Variants in LCA5L observed in about 807,000 individuals in gnomAD.
LCA5L encodes lebercilin LCA5 like.
A neutral mutation model predicts 45.4 loss-of-function variants in LCA5L; 35 were observed. The observed-to-expected ratio is 0.77, with a 90% CI of 0.59 to 1.02. The LOEUF is 1.02. Among genes scored for constraint, LCA5L ranks in the 50% least tolerant of loss-of-function variants. The pLI, the probability that LCA5L is intolerant of heterozygous loss-of-function variation, is 0.00. For synonymous variants in LCA5L, 233 were observed against 264.7 expected, an observed-to-expected ratio of 0.88 and a Z score of 1.16; for missense variants, 668 against 761.6, an observed-to-expected ratio of 0.88 and a Z score of 1.45.
chr21:39,427,526 G>A (rs1191717363), intron 5 of LCA5L, among the ~76,000 whole-genome samples: 1 of 152,106 alleles, frequency 6.6e-6, no homozygotes, highest in Non-Finnish European at 1.5e-5. Context: ...GCCGGGCGTG[G>A]TGGTGGGTGC....
rs533689038 is a variant in LCA5L at position 39,435,593 on chromosome 21, G to T, written c.-245-20C>A. ...AAAAACCTAAAATGGTATTACAAAA[G>T]GAAAATGTTACAATCTCACAAAGAA... On this transcript the variant is annotated intron_variant, in intron 2 of 10. Coordinates refer to ENST00000288350, the MANE Select transcript of LCA5L (RefSeq NM_152505.4). 33 of 152,192 alleles carry T rather than the reference G, an allele frequency of 2.2e-4. No homozygotes were observed. Among genetic ancestry groups the T allele is most frequent in the African/African-American group, 6.5e-4 (27 of 41,526 alleles). The allele number at this position is 152,192 out of a possible 1,614,324, so 9.4% of individuals were successfully genotyped here.
chr21:39,428,593 TATA>T (rs1316582805), intron 4 of LCA5L, 90 bp from the exon 5 acceptor site: 1 of 39,958 alleles, frequency 2.5e-5, no homozygotes, highest in Non-Finnish European at 5.3e-5. Context: ...TATATATATA[TATA>T]TATTTTTTTT....
intron 5 of LCA5L, 140 bp downstream of exon 5, chr21:39,428,032 C>T: frequency 5.0e-6 from 3 of 599,336 alleles, no homozygotes; most frequent in Non-Finnish European, 3.0e-6. Context: ...CTAATTTATT[C>T]TATAAAAGTT....
At chr21:39,423,597 C>T in intron 5 of LCA5L, 107 bp from the exon 6 acceptor site, 1 of 912,322 alleles carries the variant, frequency 1.1e-6, no homozygotes, top group East Asian at 2.6e-5. Flanking sequence ...ACACCACACA[C>T]ATACACACAA....
rs183941392 is a variant in LCA5L at position 39,409,338 on chromosome 21, G to A, written c.1282+641C>T. Among the ~76,000 whole-genome samples, 28 of 152,172 alleles carry A rather than the reference G, an allele frequency of 1.8e-4. No individual in the cohort carries two copies. The highest frequency in any genetic ancestry group is 9.7e-4 in the East Asian group (5 of 5,162). On this transcript the variant is annotated intron_variant, in intron 10 of 10. Transcript: ENST00000288350. The surrounding 1 kb of genome is among the most constrained non-coding windows in gnomAD (Gnocchi z 4.2). ...AAAATAAATAAGTGTTGTTTAAACC[G>A]GCAGTCTGTGGTATTTTCTTATGGC...
chr21:39,422,783 G>A (rs1411181765), intron 6 of LCA5L, 193 bp downstream of exon 6: 8 of 595,260 alleles, frequency 1.3e-5, no homozygotes, highest in Non-Finnish European at 2.3e-5. Context: ...TTTCTAGTTT[G>A]AGCTGCTTCT....
chr21:39,421,058 G>C (rs1404853954), intron 6 of LCA5L, among the ~76,000 whole-genome samples: 1 of 151,824 alleles, frequency 6.6e-6, no homozygotes, highest in African/African-American at 2.4e-5. Flanking sequence ...TCACACGTTT[G>C]GAGCCTGTTT....
At chr21:39,432,796 TCAG>T (rs199590579) in intron 3 of LCA5L, among the ~76,000 whole-genome samples, 2 of 152,202 alleles carry the variant, frequency 1.3e-5, no homozygotes, top group African/African-American at 4.8e-5. Context: ...CTTCTTTCAC[TCAG>T]CATTATTATT....
At chr21:39,406,648 A>C (rs1405308763) in intron 10 of LCA5L, 36 bp from the exon 11 acceptor site, 1 of 1,466,678 alleles carries the variant, frequency 6.8e-7, no homozygotes, top group Non-Finnish European at 9.2e-7. Flanking sequence ...GTGCTGTTTA[A>C]AATGAATGGA....
In LCA5L at chr21:39,411,722, T is replaced by C. The variant is rs141775709; in HGVS notation, c.1056A>G (p.Pro352=). The C allele has an allele frequency of 2.2e-5, 32 of 1,460,470 alleles. No individual in the cohort carries two copies. In the African/African-American group the frequency reaches 4.4e-4, roughly 20 times the overall value. The allele number at this position is 1,460,470 out of a possible 1,614,324, so 90.5% of individuals were successfully genotyped here. A position where few individuals can be genotyped will look rare whatever the true frequency, so the allele number is the denominator to read the frequency against. Residue 352 remains proline, a synonymous_variant, in exon 8 of 11, where the codon CCA becomes CCG. Transcript: ENST00000288350. ...GCAAAAGTAATTAAAACATACCTTTTGGATAGTCCTCTGTGTCATGTAAAT... is the reference window on the plus strand; with the variant it reads ...GCAAAAGTAATTAAAACATACCTTTCGGATAGTCCTCTGTGTCATGTAAAT... ...LKNLHDTEDY[P]KVSSTKSVQA...
intron 7 of LCA5L, among the ~76,000 whole-genome samples, chr21:39,416,345 A>G (rs1365147965): frequency 6.6e-6 from 1 of 152,214 alleles, no homozygotes; most frequent in Admixed American, 6.5e-5. Flanking sequence ...TTGATCCTCA[A>G]ATATCCCCAT....
rs2039876086 is a variant in LCA5L, at chr21:39,410,372, G to A, written c.1061-5C>T. ...GGACTGATTTTGTTGAAGAAACTAT[G>A]GAACAGGTAGATTATATGTAAGAAA... On this transcript the variant is annotated splice_polypyrimidine_tract_variant and splice_region_variant and intron_variant, in intron 8 of 10. Coordinates refer to ENST00000288350, the MANE Select transcript of LCA5L (RefSeq NM_152505.4). 1.3e-6 allele frequency: 2 copies of A among 1,483,082 alleles called. No individual in the cohort carries two copies. The highest frequency in any genetic ancestry group is 3.7e-5 in the Admixed American group (2 of 54,206). The allele number at this position is 1,483,082 out of a possible 1,614,324, so 91.9% of individuals were successfully genotyped here.
intron 2 of LCA5L, among the ~76,000 whole-genome samples, chr21:39,436,681 A>T (rs2076321386): frequency 6.6e-6 from 1 of 151,988 alleles, no homozygotes; most frequent in African/African-American, 2.4e-5. Context: ...GGATTTTACT[A>T]TGTTGCCCAG....
intron 8 of LCA5L, among the ~76,000 whole-genome samples, chr21:39,411,483 C>T (rs528574580): frequency 6.6e-6 from 1 of 152,260 alleles, no homozygotes; most frequent in South Asian, 2.1e-4. Flanking sequence ...TCCTTTTGCT[C>T]CACCTGAAGA....
intron 4 of LCA5L, 127 bp from the exon 5 acceptor site, chr21:39,428,630 A>T (rs1483744674): frequency 1.7e-4 from 8 of 48,348 alleles, no homozygotes; most frequent in East Asian, 7.6e-4. Context: ...TTTTTTTTTT[A>T]AAGACAGGGT....
chr21:39,428,194 A>G lies in LCA5L; in HGVS notation c.300T>C (p.Val100=). The G allele has an allele frequency of 6.3e-7, 1 of 1,583,114 alleles. No individual in the cohort carries two copies. Among genetic ancestry groups the G allele is most frequent in the Non-Finnish European group, 8.6e-7 (1 of 1,162,856 alleles). ...TACCTTTAGATTGGGAGATTTTAGA[A>G]ACATTATACTTTTTCTTCTCCTTTT... ...VKEKEKKKYN[V]SKISQSKGQK... The change falls in exon 5 of 11, where the codon GTT becomes GTC. Residue 100 remains valine, a synonymous_variant. Transcript: ENST00000288350.
rs1055799182 is a variant in LCA5L at position 39,442,025 on chromosome 21, T to C, written c.-246+2110A>G. 4.6e-5 allele frequency among the ~76,000 whole-genome samples: 7 copies of C among 152,302 alleles called. No individual in the cohort carries two copies. The South Asian group carries it at 1.0e-3, about 23-fold the overall frequency. On this transcript the variant is annotated intron_variant, in intron 2 of 10. Coordinates refer to ENST00000288350, the MANE Select transcript of LCA5L (RefSeq NM_152505.4). ...ATTTTTGTGGGCCTTATGTCAGTAA[T>C]GAACTAATCATAATAGTGACTGTCC...
intron 7 of LCA5L, among the ~76,000 whole-genome samples, chr21:39,414,738 C>CTGTGTGTGTGTGTGTGTGTGTGTGTGTG (rs763309098): frequency 9.3e-6 from 1 of 107,328 alleles, no homozygotes; most frequent in African/African-American, 3.9e-5. Context: ...CTCTCTCTCT[C>CTGTGTGTGTGTGTGTGTGTGTGTGTGTG]TCTCTGTGTG....
chr21:39,438,390 C>CA (rs1449014607), intron 2 of LCA5L, among the ~76,000 whole-genome samples: 1 of 151,934 alleles, frequency 6.6e-6, no homozygotes, highest in Admixed American at 6.6e-5. Context: ...AAAGAAAACA[C>CA]AGAGTGTGGA....
Sources: gnomAD v4.1 joint callset for allele counts (sites outside exome capture counted in the v4.1 genomes callset) on GRCh38, gnomAD v4.1.1 for gene constraint, Gnocchi (gnomAD v3.1) non-coding constraint, MANE v1.5 for transcripts, NCBI Gene and HGNC (gene_info 2026-07-23, HGNC 2026-07-21) for gene names.